ITGA4: variants seen among roughly 807,000 people sequenced by gnomAD.
ITGA4 encodes integrin subunit alpha 4.
ITGA4 carries 63 observed loss-of-function variants against 133.6 expected under a neutral mutation model. That is an observed-to-expected ratio of 0.47 (90% CI 0.38 to 0.58). The LOEUF (loss-of-function observed/expected upper bound fraction) is 0.58. Ranked by LOEUF, ITGA4 falls within the 20% of genes least tolerant of loss-of-function variation. ITGA4 has a pLI of 0.00. For missense variants in ITGA4, 1,076 were observed against 1,252.7 expected, an observed-to-expected ratio of 0.86 and a Z score of 2.13; for synonymous variants, 483 against 438.0, an observed-to-expected ratio of 1.10 and a Z score of -1.28.
chr2:181,464,138 A>G (rs1043485692), intron 2 of ITGA4, among the ~76,000 whole-genome samples: 1 of 152,140 alleles, frequency 6.6e-6, no homozygotes, highest in Non-Finnish European at 1.5e-5. Context: ...AAGAAAAATC[A>G]GGTCAATCTG....
At chr2:181,464,741 G>A (rs1273312740) in intron 2 of ITGA4, among the ~76,000 whole-genome samples, 2 of 152,018 alleles carry the variant, frequency 1.3e-5, no homozygotes, top group African/African-American at 4.8e-5. Flanking sequence ...TCCGCCTTGG[G>A]TTCCAAAGAC....
At chr2:181,494,653 C>A in intron 11 of ITGA4, 69 bp from the exon 12 acceptor site, 2 of 830,800 alleles carry the variant, frequency 2.4e-6, no homozygotes, top group East Asian at 2.4e-5. Context: ...CATTATTTAG[C>A]TAAATCATTG....
chr2:181,477,477 A>G (rs1388968571), intron 4 of ITGA4, among the ~76,000 whole-genome samples: 4 of 152,138 alleles, frequency 2.6e-5, no homozygotes, highest in African/African-American at 9.7e-5. Flanking sequence ...TAAAATGTAT[A>G]AGGATCTCAC....
intron 16 of ITGA4, among the ~76,000 whole-genome samples, chr2:181,510,928 A>G (rs2105756999): frequency 6.6e-6 from 1 of 152,020 alleles, no homozygotes; most frequent in South Asian, 2.1e-4. Context: ...AAAAAAAATC[A>G]TATTTATTTA....
chr2:181,531,189 T>C, intron 24 of ITGA4, among the ~76,000 whole-genome samples: 1 of 152,162 alleles, frequency 6.6e-6, no homozygotes, highest in East Asian at 1.9e-4. Context: ...AACAAGACAT[T>C]GTTCCAGACC....
chr2:181,473,784 T>C (rs1685610254), intron 2 of ITGA4, among the ~76,000 whole-genome samples: 1 of 152,142 alleles, frequency 6.6e-6, no homozygotes, highest in South Asian at 2.1e-4. Flanking sequence ...ATGGGTAACA[T>C]AGTGAGACCC....
At chr2:181,492,679 T>G (rs1370484151) in intron 10 of ITGA4, among the ~76,000 whole-genome samples, 1 of 152,178 alleles carries the variant, frequency 6.6e-6, no homozygotes, top group Non-Finnish European at 1.5e-5. Flanking sequence ...GACATAATTA[T>G]CAATAATACA....
Position 181,495,917 on chromosome 2 carries a change from A to C in ITGA4, c.1520A>C (p.Lys507Thr). 1 of 1,613,924 alleles carries C rather than the reference A, an allele frequency of 6.2e-7. No individual in the cohort carries two copies. The highest frequency in any genetic ancestry group is 1.1e-5 in the South Asian group (1 of 91,056). The change falls in exon 14 of 28, where the codon AAG becomes ACG. Residue 507 changes from lysine (K) to threonine (T), a missense_variant. By Grantham distance (78) the Lys-to-Thr change is moderately conservative. Transcript: ENST00000397033. The surrounding 1 kb of genome is among the most constrained non-coding windows in gnomAD (Gnocchi z 4.3). The part of the protein sequence containing the change: ...DLTLCFSYKG[K>T]EVPGYIVLFY... ...ACACTTTGTTTCTCATATAAGGGCA[A>C]GGAAGTTCCAGGTTACATTGGTGGG...
In ITGA4 at chr2:181,536,566, T is replaced by A. The variant is rs1348956702; in HGVS notation, c.*1039T>A. The A allele has an allele frequency of 1.4e-5, 1 of 72,200 alleles. No individual in the cohort carries two copies. The highest frequency in any genetic ancestry group is 4.7e-4 in the East Asian group (1 of 2,144). 4.5% of individuals were successfully genotyped at this position (72,200 alleles called of 1,614,324 possible). ...CCCTTTACAAGTATAAGTGTTACCT[T>A]ACATGGAAACGAAGAAACAAAATTC... On this transcript the variant is annotated 3_prime_UTR_variant, in exon 28 of 28. Coordinates refer to ENST00000397033, the MANE Select transcript of ITGA4 (RefSeq NM_000885.6).
rs1687208553 is a variant in ITGA4 at position 181,537,520 on chromosome 2, G to C, written c.*1993G>C. ...TGGCAGGTAGGCTATATAACTATGT[G>C]ATTTTGAAATTTAACTGCTCTGGAT... is the stretch of plus-strand genomic sequence containing the variant. On this transcript the variant is annotated 3_prime_UTR_variant, in exon 28 of 28. Transcript: ENST00000397033. 2.2e-6 allele frequency: 1 copy of C among 449,254 alleles called. No individual in the cohort carries two copies. Among genetic ancestry groups the C allele is most frequent in the South Asian group, 1.6e-5 (1 of 63,988 alleles). The allele number at this position is 449,254 out of a possible 1,614,324, so 27.8% of individuals were successfully genotyped here. A position where few individuals can be genotyped will look rare whatever the true frequency, so the allele number is the denominator to read the frequency against.
chr2:181,458,055 C>G, intron 1 of ITGA4, 141 bp from the exon 2 acceptor site: 2 of 1,260,436 alleles, frequency 1.6e-6, no homozygotes, highest in Non-Finnish European at 2.2e-6. Context: ...GGTGCAAGGT[C>G]TTGGAGCTTC....
At chr2:181,473,882 T>G (rs527273913) in intron 2 of ITGA4, among the ~76,000 whole-genome samples, 38 of 152,184 alleles carry the variant, frequency 2.5e-4, no homozygotes, top group Non-Finnish European at 4.4e-4. Flanking sequence ...GTCAACATTA[T>G]AGGAGGAGAC....
chr2:181,509,271 G>A (rs1214462874), intron 15 of ITGA4, among the ~76,000 whole-genome samples: 1 of 150,998 alleles, frequency 6.6e-6, no homozygotes, highest in Non-Finnish European at 1.5e-5. Context: ...AAAATGTATA[G>A]GGTAAAGTTA....
At chr2:181,526,871 G>A (rs1228585202) in intron 21 of ITGA4, among the ~76,000 whole-genome samples, 1 of 92,208 alleles carries the variant, frequency 1.1e-5, no homozygotes, top group Non-Finnish European at 2.1e-5. Flanking sequence ...TCGCTCTATT[G>A]CCCATGCTGG....
chr2:181,518,652 TACTCA>T (rs1347899928), intron 17 of ITGA4, among the ~76,000 whole-genome samples: 1 of 152,092 alleles, frequency 6.6e-6, no homozygotes, highest in Non-Finnish European at 1.5e-5. Context: ...CTGTCCCAAC[TACTCA>T]ACTCTGTCAC....
rs947152111 is a variant in ITGA4, at chr2:181,516,244, T to G, written c.1922+4469T>G. Among the ~76,000 whole-genome samples, 5 of 152,126 alleles carry G rather than the reference T, an allele frequency of 3.3e-5. No homozygotes were observed. The highest frequency in any genetic ancestry group is 7.4e-5 in the Non-Finnish European group (5 of 67,998). ...TGCTTCCAGAATGAGTGATGTAAGC[T>G]TTCCCTGAACAATTGCTTCTGTATC... On this transcript the variant is annotated intron_variant, in intron 17 of 27. Transcript: ENST00000397033. The surrounding 1 kb of genome is among the most constrained non-coding windows in gnomAD (Gnocchi z 4.0).
chr2:181,525,164 C>G lies in ITGA4; in HGVS notation c.2250-38C>G, dbSNP rs753669346. Reference sequence around the variant, plus strand: ...TTAGTTCTCTCTGAAGATTTTTCTGCTTGGTGAATTCTAACAGGGTGTTTT... The same window carrying G: ...TTAGTTCTCTCTGAAGATTTTTCTGGTTGGTGAATTCTAACAGGGTGTTTT... On this transcript the variant is annotated intron_variant, in intron 20 of 27. Coordinates refer to ENST00000397033, the MANE Select transcript of ITGA4 (RefSeq NM_000885.6). 5.1e-6 allele frequency: 6 copies of G among 1,169,790 alleles called. No homozygotes were observed. In the African/African-American group the frequency reaches 9.1e-5, roughly 18 times the overall value. The allele number at this position is 1,169,790 out of a possible 1,614,324, so 72.5% of individuals were successfully genotyped here.
In ITGA4 at chr2:181,534,284, G is replaced by A. The variant is rs748848677; in HGVS notation, c.2797G>A (p.Ala933Thr). 1.5e-5 allele frequency: 24 copies of A among 1,599,558 alleles called. 1 individual carries two copies. In the South Asian group the frequency reaches 2.5e-4, roughly 17 times the overall value. Residue 933 changes from alanine (A) to threonine (T), a missense_variant, in exon 26 of 28, where the codon GCA (alanine) becomes ACA (threonine). Physicochemically the swap from Ala to Thr is moderately conservative, Grantham distance 58. This residue lies in a region of ITGA4 where 193 missense variants were observed against 172.3 expected (regional missense o/e 1.12). Transcript: ENST00000397033. ...TTTTATTAAACAGGATGAGACTTCA[G>A]CACTCAAGTTTGAAATAAGAGCAAC... ...PSILEMDETS[A>T]LKFEIRATGF... is the part of the protein sequence containing the mutation.
Position 181,495,790 on chromosome 2 carries a change from C to T in ITGA4, c.1393C>T (p.Pro465Ser). The T allele has an allele frequency of 6.2e-7, 1 of 1,613,310 alleles. No homozygotes were observed. ...SDSAVLLRTR[P>S]VVIVDASLSH... is the part of the protein sequence containing the mutation. Reference sequence around the variant, plus strand: ...CTTTTATTTCCTTCTCAGGACAAGACCTGTAGTAATTGTTGACGCTTCTTT... The same window carrying T: ...CTTTTATTTCCTTCTCAGGACAAGATCTGTAGTAATTGTTGACGCTTCTTT... The change falls in exon 14 of 28, where the codon CCT becomes TCT. Residue 465 changes from proline to serine, a missense_variant. Physicochemically the swap from Pro to Ser is moderately conservative, Grantham distance 74. This residue lies in a region of ITGA4 where 436 missense variants were observed against 590.7 expected (regional missense o/e 0.74). Coordinates refer to ENST00000397033, the MANE Select transcript of ITGA4 (RefSeq NM_000885.6). The surrounding 1 kb of genome is among the most constrained non-coding windows in gnomAD (Gnocchi z 4.3).
Sources: gnomAD v4.1 joint callset for allele counts (sites outside exome capture counted in the v4.1 genomes callset) on GRCh38, gnomAD v4.1.1 for gene constraint, gnomAD v4.1.1 regional missense constraint, Gnocchi (gnomAD v3.1) non-coding constraint, MANE v1.5 for transcripts, NCBI Gene and HGNC (gene_info 2026-07-23, HGNC 2026-07-21) for gene names.